Variants in EXO5 observed in about 807,000 individuals in gnomAD.
EXO5 encodes the protein exonuclease V.
EXO5 carries 11 observed loss-of-function variants against 17.8 expected under a neutral mutation model. The ratio of observed to expected loss-of-function variants is 0.62; its 90% confidence interval spans 0.39 to 1.02. The LOEUF (loss-of-function observed/expected upper bound fraction) is 1.02. Among genes scored for constraint, EXO5 ranks in the 50% least tolerant of loss-of-function variants. EXO5 has a pLI of 0.00. For missense variants in EXO5, 364 were observed against 434.8 expected (o/e 0.84, Z 1.45); for synonymous variants, 147 against 166.5 (o/e 0.88, Z 0.90).
rs753947910 is a variant in EXO5 at position 40,514,920 on chromosome 1, C to T, written c.376C>T (p.Leu126=). The change falls in exon 4 of 4, where the codon CTA becomes TTA. Residue 126 remains leucine, a synonymous_variant. Transcript: ENST00000415550. ...TGASIHLARE[L]ELHDLVTVPV... ...TGCCAGCATACACCTAGCTAGAGAA[C>T]TAGAACTTCATGATCTTGTGACTGT... The T allele has an allele frequency of 6.2e-7, 1 of 1,614,162 alleles. No individual in the cohort carries two copies. The highest frequency in any genetic ancestry group is 1.7e-5 in the Admixed American group (1 of 60,012).
In EXO5 at chr1:40,515,435, A is replaced by G; in HGVS notation, c.891A>G (p.Gln297=). 3 of 1,614,012 alleles carry G rather than the reference A, an allele frequency of 1.9e-6. No individual in the cohort carries two copies. Among genetic ancestry groups the G allele is most frequent in the Non-Finnish European group, 2.5e-6 (3 of 1,180,008 alleles). The change falls in exon 4 of 4, where the codon CAA becomes CAG. Residue 297 remains glutamine, a synonymous_variant. Coordinates refer to ENST00000415550, the MANE Select transcript of EXO5 (RefSeq NM_001346953.2). ...IDILKIEYIH[Q]ETATVLGTEI... ...TCTTGAAGATTGAGTATATCCACCA[A>G]GAGACTGCCACTGTGCTGGGTACTG...
At chr1:40,513,259 CTTA>C (rs1645814181) in intron 3 of EXO5, among the ~76,000 whole-genome samples, 1 of 152,126 alleles carries the variant, frequency 6.6e-6, no homozygotes, top group African/African-American at 2.4e-5. Flanking sequence ...GTAACATCCT[CTTA>C]TTATTTCATG....
At chr1:40,512,617 T>C (rs759408412) in intron 3 of EXO5, among the ~76,000 whole-genome samples, 10 of 152,194 alleles carry the variant, frequency 6.6e-5, no homozygotes, top group Non-Finnish European at 8.8e-5. Flanking sequence ...TCTTTTTCTT[T>C]TGAGATGGAG....
chr1:40,511,799 T>C (rs1037784554), intron 3 of EXO5, among the ~76,000 whole-genome samples: 2 of 152,212 alleles, frequency 1.3e-5, no homozygotes, highest in African/African-American at 4.8e-5. Context: ...TTACTCTCTA[T>C]GCAGGTTAGA....
At chr1:40,509,033 C>G (rs1328171029) in intron 1 of EXO5, 125 bp downstream of exon 1, 1 of 152,260 alleles carries the variant, frequency 6.6e-6, no homozygotes, top group Non-Finnish European at 1.5e-5. Flanking sequence ...GTCTCGTCTC[C>G]CCTCACAGGC....
chr1:40,512,795 AGGTGTATTTTTAGTTTCACCATGC>A (rs1396656711), intron 3 of EXO5, among the ~76,000 whole-genome samples: 4 of 152,048 alleles, frequency 2.6e-5, no homozygotes, highest in South Asian at 2.1e-4. Context: ...TTTCACCATG[AGGTGTATTTTTAGTTTCACCATGC>A]TGGCCAGGCT....
rs1645883745 is a variant in EXO5, at chr1:40,515,877, G to C, written c.*211G>C. 1 of 478,202 alleles carries C rather than the reference G, an allele frequency of 2.1e-6. No individual in the cohort carries two copies. Among genetic ancestry groups the C allele is most frequent in the African/African-American group, 2.0e-5 (1 of 50,496 alleles). The allele number at this position is 478,202 out of a possible 1,614,324, so 29.6% of individuals were successfully genotyped here. A position where few individuals can be genotyped will look rare whatever the true frequency, so the allele number is the denominator to read the frequency against. ...TATACTGTCCCTGGAGCTTCATCAT[G>C]ATTGCCTGAGAAGACAGATGCTCAT... is the stretch of plus-strand genomic sequence containing the variant. On this transcript the variant is annotated 3_prime_UTR_variant, in exon 4 of 4. Transcript: ENST00000415550.
rs1459641800 is a variant in EXO5, at chr1:40,514,967, T to G, written c.423T>G (p.Asp141Glu). 3 of 1,614,060 alleles carry G rather than the reference T, an allele frequency of 1.9e-6. No individual in the cohort carries two copies. Among genetic ancestry groups the G allele is most frequent in the Non-Finnish European group, 2.5e-6 (3 of 1,180,022 alleles). Reference protein sequence around the residue: ...LVTVPVTTKEDAWAIKFLNIL... With the variant: ...LVTVPVTTKEEAWAIKFLNIL... ...CTGTCCCAGTCACCACTAAAGAAGA[T>G]GCTTGGGCAATTAAGTTTCTGAACA... Residue 141 changes from aspartate to glutamate, a missense_variant, in exon 4 of 4, where the codon GAT (aspartate) becomes GAG (glutamate). Transcript: ENST00000415550.
At chr1:40,514,212 A>G (rs1026673340) in intron 3 of EXO5, among the ~76,000 whole-genome samples, 1 of 151,754 alleles carries the variant, frequency 6.6e-6, no homozygotes, top group African/African-American at 2.4e-5. Context: ...CCCGGGAGGC[A>G]GAGCTTGCAG....
Position 40,515,247 on chromosome 1 carries a change from C to T in EXO5, c.703C>T (p.Pro235Ser). ...TGCCATGGTACAAGGAAAAGTGACC[C>T]CTGCTAGCCTAATCCACCACACAAA... Reference protein sequence around the residue: ...FDAMVQGKVTPASLIHHTKLC... With the variant: ...FDAMVQGKVTSASLIHHTKLC... The change falls in exon 4 of 4, where the codon CCT becomes TCT. Residue 235 changes from proline to serine, a missense_variant. Physicochemically the swap from Pro to Ser is moderately conservative, Grantham distance 74. Transcript: ENST00000415550. 3 of 1,613,948 alleles carry T rather than the reference C, an allele frequency of 1.9e-6. No homozygotes were observed. The highest frequency in any genetic ancestry group is 2.2e-5 in the East Asian group (1 of 44,860).
rs1645878305 is a variant in EXO5 at position 40,515,628 on chromosome 1, A to G, written c.1084A>G (p.Ser362Gly). ...GTGGAGAAAGGGCAGTGGAGTGCTC[A>G]GCTCTACACTGGCGCCCCAAGTCAA... ...CEWRKGSGVL[S>G]STLAPQVKKA... The change falls in exon 4 of 4, where the codon AGC (serine) becomes GGC (glycine). Residue 362 changes from serine to glycine, a missense_variant. Physicochemically the swap from Ser to Gly is moderately conservative, Grantham distance 56. Coordinates refer to ENST00000415550, the MANE Select transcript of EXO5 (RefSeq NM_001346953.2). The G allele has an allele frequency of 6.2e-7, 1 of 1,612,318 alleles. No individual in the cohort carries two copies. The highest frequency in any genetic ancestry group is 1.1e-5 in the South Asian group (1 of 91,024).
chr1:40,514,938 G>A lies in EXO5; in HGVS notation c.394G>A (p.Val132Met), dbSNP rs765556522. 2.5e-6 allele frequency: 4 copies of A among 1,614,052 alleles called. No homozygotes were observed. Among genetic ancestry groups the A allele is most frequent in the Admixed American group, 1.7e-5 (1 of 59,994 alleles). Reference sequence around the variant, plus strand: ...TAGAGAACTAGAACTTCATGATCTTGTGACTGTCCCAGTCACCACTAAAGA... The same window carrying A: ...TAGAGAACTAGAACTTCATGATCTTATGACTGTCCCAGTCACCACTAAAGA... ...LARELELHDL[V>M]TVPVTTKEDA... Residue 132 changes from valine (V) to methionine (M), a missense_variant, in exon 4 of 4, where the codon GTG (valine) becomes ATG (methionine). Transcript: ENST00000415550.
At chr1:40,511,465 A>C (rs952778225) in intron 3 of EXO5, among the ~76,000 whole-genome samples, 1 of 152,268 alleles carries the variant, frequency 6.6e-6, no homozygotes, top group Non-Finnish European at 1.5e-5. Context: ...CTCTATAAGC[A>C]AAAGTCTTAC....
intron 3 of EXO5, among the ~76,000 whole-genome samples, chr1:40,512,465 C>T (rs971583352): frequency 6.6e-6 from 1 of 152,152 alleles, no homozygotes; most frequent in Non-Finnish European, 1.5e-5. Context: ...CTGTAATTTA[C>T]TTTAAAATAG....
intron 3 of EXO5, among the ~76,000 whole-genome samples, chr1:40,513,489 C>G (rs1000552022): frequency 6.6e-6 from 1 of 152,008 alleles, no homozygotes; most frequent in African/African-American, 2.4e-5. Flanking sequence ...AAACATTGTT[C>G]CTACATTTAC....
In EXO5 at chr1:40,515,419, T is replaced by C. The variant is rs771343108; in HGVS notation, c.875T>C (p.Ile292Thr). The change falls in exon 4 of 4, where the codon ATT becomes ACT. Residue 292 changes from isoleucine to threonine, a missense_variant. Physicochemically the swap from Ile to Thr is moderately conservative, Grantham distance 89 (BLOSUM62 -1). Transcript: ENST00000415550. ...SDLPVIDILK[I>T]EYIHQETATV... The stretch of plus-strand genomic sequence containing the variant: ...CTCCCAGTTATTGATATCTTGAAGA[T>C]TGAGTATATCCACCAAGAGACTGCC... 1.6e-5 allele frequency: 26 copies of C among 1,613,626 alleles called. No homozygotes were observed. The highest frequency in any genetic ancestry group is 1.6e-4 in the Middle Eastern group (1 of 6,084).
At chr1:40,512,040 G>A (rs564568081) in intron 3 of EXO5, among the ~76,000 whole-genome samples, 78 of 152,092 alleles carry the variant, frequency 5.1e-4, no homozygotes, top group African/African-American at 1.7e-3. Flanking sequence ...CACCAAGCCC[G>A]GCTAATTTTT....
intron 1 of EXO5, chr1:40,509,109 TG>T (rs1165144493): frequency 6.6e-6 from 1 of 152,234 alleles, no homozygotes; most frequent in Non-Finnish European, 1.5e-5. Context: ...CTTCCCGAGG[TG>T]GACGGCTCCC....
intron 3 of EXO5, 36 bp from the exon 4 acceptor site, chr1:40,514,479 T>TA: frequency 2.7e-6 from 4 of 1,478,070 alleles, no homozygotes. Context: ...AGAACGTTTT[T>TA]ATTTGAACAA....
Sources: allele counts gnomAD v4.1 joint callset (sites outside exome capture counted in the v4.1 genomes callset), GRCh38; gene constraint gnomAD v4.1.1; transcripts MANE v1.5; gene names NCBI Gene and HGNC (gene_info 2026-07-23, HGNC 2026-07-21).